The following MLLT3 variants were observed in gnomAD, a reference collection of about 807,000 sequenced individuals.
The protein encoded by MLLT3 is protein AF-9.
In MLLT3, 4 loss-of-function variants were observed where a neutral mutation model predicts 53.2. The observed-to-expected ratio is 0.08, with a 90% CI of 0.04 to 0.17. The LOEUF is 0.17. MLLT3 is among the 10% of genes least tolerant of loss of function. The pLI, the probability that MLLT3 is intolerant of heterozygous loss-of-function variation, is 1.00. For missense variants in MLLT3, 569 were observed against 684.0 expected, an observed-to-expected ratio of 0.83 and a Z score of 1.87; for synonymous variants, 283 against 230.6, an observed-to-expected ratio of 1.23 and a Z score of -2.06.
chr9:20,535,036 G>A (rs931965701), intron 2 of MLLT3, among the ~76,000 whole-genome samples: 2 of 152,040 alleles, frequency 1.3e-5, no homozygotes, highest in Admixed American at 1.3e-4. Flanking sequence ...TATAGCAGGG[G>A]TCCCCAACTC....
intron 2 of MLLT3, among the ~76,000 whole-genome samples, chr9:20,467,354 T>C (rs1824262366): frequency 1.3e-5 from 2 of 152,018 alleles, no homozygotes. Flanking sequence ...CTGAGGTAGG[T>C]GGATCACGAG....
At chr9:20,479,408 T>A (rs1258539883) in intron 2 of MLLT3, among the ~76,000 whole-genome samples, 1 of 152,170 alleles carries the variant, frequency 6.6e-6, no homozygotes, top group East Asian at 1.9e-4. Flanking sequence ...CCCTTTTTTT[T>A]CTTATAGCAA....
At chr9:20,532,333 A>G (rs535434228) in intron 2 of MLLT3, among the ~76,000 whole-genome samples, 1 of 152,240 alleles carries the variant, frequency 6.6e-6, no homozygotes, top group East Asian at 1.9e-4. Context: ...ATATATATAA[A>G]TCACTCAAAC....
intron 5 of MLLT3, among the ~76,000 whole-genome samples, chr9:20,402,920 T>C (rs936187489): frequency 1.3e-5 from 2 of 152,200 alleles, no homozygotes; most frequent in Non-Finnish European, 2.9e-5. Context: ...AGAGGTCACA[T>C]TGGCCGTACG....
chr9:20,464,373 T>G (rs1168122259), intron 2 of MLLT3, among the ~76,000 whole-genome samples: 1 of 152,076 alleles, frequency 6.6e-6, no homozygotes, highest in African/African-American at 2.4e-5. Context: ...ACAAGTTCTA[T>G]TCTAGGGACT....
intron 2 of MLLT3, among the ~76,000 whole-genome samples, chr9:20,544,878 A>T (rs1818745123): frequency 6.6e-6 from 1 of 152,146 alleles, no homozygotes. Context: ...TGAGGCCAGG[A>T]GTTTGAGACC....
At chr9:20,561,727 A>T (rs1819217379) in intron 2 of MLLT3, among the ~76,000 whole-genome samples, 2 of 152,194 alleles carry the variant, frequency 1.3e-5, no homozygotes, top group Non-Finnish European at 2.9e-5. Context: ...ACAGAACTGA[A>T]GTTTACATCC....
intron 10 of MLLT3, among the ~76,000 whole-genome samples, chr9:20,350,636 G>A (rs1385288672): frequency 6.6e-6 from 1 of 151,964 alleles, no homozygotes; most frequent in Non-Finnish European, 1.5e-5. Flanking sequence ...GGTACATATG[G>A]GTAGTGGAAA....
At chr9:20,509,972 A>G (rs1297112758) in intron 2 of MLLT3, among the ~76,000 whole-genome samples, 2 of 152,048 alleles carry the variant, frequency 1.3e-5, no homozygotes, top group East Asian at 3.9e-4. Flanking sequence ...GAATATCAAC[A>G]TTACCTTAGC....
In MLLT3 at chr9:20,498,227, C is replaced by CAA. The variant is rs529049653; in HGVS notation, c.194-41443_194-41442dup. On this transcript the variant is annotated intron_variant, in intron 2 of 10. Coordinates refer to ENST00000380338, the MANE Select transcript of MLLT3 (RefSeq NM_004529.4). ...TAGGTGACAGAGCGAGACGCTGTCTCAAAAAAAAAAAAAAAAAAAAAAAAA... is the reference window on the plus strand; with the variant it reads ...TAGGTGACAGAGCGAGACGCTGTCTCAAAAAAAAAAAAAAAAAAAAAAAAAAA... Among the ~76,000 whole-genome samples the CAA allele has an allele frequency of 2.6e-3, 84 of 32,518 alleles. 17 individuals carry two copies. Among genetic ancestry groups the CAA allele is most frequent in the South Asian group, 4.4e-3 (2 of 452 alleles). The allele number at this position is 32,518 out of a possible 152,430, so 21.3% of individuals were successfully genotyped here.
At chr9:20,413,242 A>G (rs901142090) in intron 5 of MLLT3, among the ~76,000 whole-genome samples, 10 of 152,224 alleles carry the variant, frequency 6.6e-5, no homozygotes, top group African/African-American at 2.4e-4. Flanking sequence ...AAAACTGGTT[A>G]AAAAAATACT....
chr9:20,353,476 C>CTACTG (rs1563933142), intron 10 of MLLT3, 49 bp downstream of exon 10: 40 of 1,540,078 alleles, frequency 2.6e-5, no homozygotes, highest in Non-Finnish European at 3.4e-5. Flanking sequence ...GCAGGACAAA[C>CTACTG]CAAGTCTTGA....
chr9:20,563,092 G>C (rs963734574), intron 2 of MLLT3, among the ~76,000 whole-genome samples: 3 of 152,112 alleles, frequency 2.0e-5, no homozygotes, highest in Non-Finnish European at 2.9e-5. Flanking sequence ...AGAGCTGTCA[G>C]ACATGCTGGG....
At chr9:20,547,856 G>A (rs1383038018) in intron 2 of MLLT3, among the ~76,000 whole-genome samples, 1 of 152,272 alleles carries the variant, frequency 6.6e-6, no homozygotes, top group Non-Finnish European at 1.5e-5. Context: ...GGAGGCTTAG[G>A]TGGGAGGATC....
At chr9:20,595,318 C>A (rs1291635) in intron 2 of MLLT3, among the ~76,000 whole-genome samples, 1 of 151,932 alleles carries the variant, frequency 6.6e-6, no homozygotes, top group African/African-American at 2.4e-5. Flanking sequence ...AGTGAATCGT[C>A]TTCATACATA....
At chr9:20,572,178 G>C (rs1333381884) in intron 2 of MLLT3, among the ~76,000 whole-genome samples, 1 of 152,180 alleles carries the variant, frequency 6.6e-6, no homozygotes, top group Non-Finnish European at 1.5e-5. Flanking sequence ...CAGAGGTAGA[G>C]AGTGGAATGG....
chr9:20,361,983 T>C lies in MLLT3; in HGVS notation c.1332-1142A>G, dbSNP rs569695997. Among the ~76,000 whole-genome samples the C allele has an allele frequency of 2.6e-5, 4 of 152,344 alleles. No individual in the cohort carries two copies. In the East Asian group the frequency reaches 7.7e-4, roughly 29 times the overall value. ...GGGACATCCTTTTAGCAAAAACTGA[T>C]AGAACTTGTTTTTCTTAACTAAATT... On this transcript the variant is annotated intron_variant, in intron 7 of 10. Transcript: ENST00000380338.
At chr9:20,606,319 G>C (rs1303170784) in intron 2 of MLLT3, among the ~76,000 whole-genome samples, 1 of 151,856 alleles carries the variant, frequency 6.6e-6, no homozygotes, top group Non-Finnish European at 1.5e-5. Context: ...GGGATTGCAG[G>C]AGGTGGGGGA....
intron 2 of MLLT3, among the ~76,000 whole-genome samples, chr9:20,491,945 C>T (rs913030776): frequency 2.6e-5 from 4 of 151,926 alleles, no homozygotes; most frequent in African/African-American, 7.2e-5. Context: ...CCTGGAATTC[C>T]AACCAGTAAT....
Sources: gnomAD v4.1 joint callset for allele counts (sites outside exome capture counted in the v4.1 genomes callset) on GRCh38, gnomAD v4.1.1 for gene constraint, MANE v1.5 for transcripts, NCBI Gene and HGNC (gene_info 2026-07-23, HGNC 2026-07-21) for gene names.